Variants in NPAS3 observed in about 807,000 individuals in gnomAD.
The protein encoded by NPAS3 is neuronal PAS domain protein 3, also known as neuronal PAS domain-containing protein 3.
A neutral mutation model predicts 73.1 loss-of-function variants in NPAS3; 14 were observed. That is an observed-to-expected ratio of 0.19 (90% confidence interval 0.13 to 0.30). The LOEUF (loss-of-function observed/expected upper bound fraction) is 0.30. Among genes scored for constraint, NPAS3 ranks in the 10% least tolerant of loss-of-function variants. The probability of loss-of-function intolerance (pLI) is 1.00; values close to 1 mark genes in which losing one functional copy is unlikely to be tolerated. For missense variants in NPAS3, 1,096 were observed against 1,250.0 expected, an observed-to-expected ratio of 0.88 and a Z score of 1.86; for synonymous variants, 620 against 541.5, an observed-to-expected ratio of 1.14 and a Z score of -2.01.
intron 7 of NPAS3, among the ~76,000 whole-genome samples, chr14:33,767,690 GCA>G (rs1314916241): frequency 1.3e-5 from 2 of 148,748 alleles, no homozygotes; most frequent in Non-Finnish European, 3.0e-5. Flanking sequence ...GGGAAATAAT[GCA>G]CAGAGTACTT....
intron 6 of NPAS3, among the ~76,000 whole-genome samples, chr14:33,695,562 G>A (rs558815609): frequency 1.3e-5 from 2 of 152,246 alleles, no homozygotes; most frequent in East Asian, 3.9e-4. Context: ...TGCAGTCTTC[G>A]ACTTTGGCTT....
rs34671549 is a variant in NPAS3, at chr14:33,577,916, T to TCC, written c.558+17711_558+17712dup. ...ATAAGGGGGATTGGCTAACGAATCC[T>TCC]CCCCCCAATTCCAAAGGCAAATAAA... is the stretch of plus-strand genomic sequence containing the variant. On this transcript the variant is annotated intron_variant, in intron 5 of 11. Coordinates refer to ENST00000356141, the Ensembl canonical transcript of NPAS3. Among the ~76,000 whole-genome samples, 1,048 of 152,194 alleles carry TCC rather than the reference T, an allele frequency of 6.9e-3. 52 individuals carry two copies. In the East Asian group the frequency reaches 0.16, roughly 23 times the overall value.
At chr14:33,719,467 T>G (rs1229575242) in intron 6 of NPAS3, among the ~76,000 whole-genome samples, 1 of 152,214 alleles carries the variant, frequency 6.6e-6, no homozygotes, top group African/African-American at 2.4e-5. Flanking sequence ...AGTTCATATA[T>G]TCCACTGTAA....
intron 3 of NPAS3, among the ~76,000 whole-genome samples, chr14:33,347,909 T>G (rs1435263459): frequency 6.6e-6 from 1 of 152,120 alleles, no homozygotes; most frequent in Admixed American, 6.5e-5. Context: ...TGTGGTTGGT[T>G]GGATCTGCAG....
At chr14:33,346,906 A>T (rs951037342) in intron 3 of NPAS3, among the ~76,000 whole-genome samples, 6 of 152,146 alleles carry the variant, frequency 3.9e-5, no homozygotes, top group Admixed American at 3.9e-4. Context: ...CCCTTCCATC[A>T]ATGTTGCTGA....
chr14:32,959,683 G>C, intron 1 of NPAS3, among the ~76,000 whole-genome samples: 1 of 152,172 alleles, frequency 6.6e-6, no homozygotes, highest in South Asian at 2.1e-4. Context: ...TACACATAGT[G>C]CTGGTTTTAG....
intron 4 of NPAS3, among the ~76,000 whole-genome samples, chr14:33,549,203 T>C (rs1245958410): frequency 1.3e-5 from 2 of 152,196 alleles, no homozygotes; most frequent in Admixed American, 1.3e-4. Flanking sequence ...TTACACCTTT[T>C]CAAATATTTT....
chr14:33,557,751 C>T (rs1017889174), intron 4 of NPAS3, among the ~76,000 whole-genome samples: 12 of 152,158 alleles, frequency 7.9e-5, no homozygotes, highest in East Asian at 3.9e-4. Context: ...GGGCAGATCA[C>T]GAGGTCAGGA....
At chr14:32,952,061 C>CT (rs1042600302) in intron 1 of NPAS3, among the ~76,000 whole-genome samples, 1 of 151,740 alleles carries the variant, frequency 6.6e-6, no homozygotes, top group Non-Finnish European at 1.5e-5. Context: ...AGATGATTAA[C>CT]TTTTTTGCTT....
At chr14:33,553,638 A>T (rs2055223370) in intron 4 of NPAS3, among the ~76,000 whole-genome samples, 1 of 152,238 alleles carries the variant, frequency 6.6e-6, no homozygotes, top group Non-Finnish European at 1.5e-5. Flanking sequence ...TGAAAGGCAA[A>T]GGAAGGAACA....
chr14:33,148,766 A>G (rs762780077), intron 2 of NPAS3, among the ~76,000 whole-genome samples: 8 of 152,044 alleles, frequency 5.3e-5, no homozygotes, highest in Non-Finnish European at 1.0e-4. Context: ...AGCTCCCTGT[A>G]AGCCTCCAAT....
chr14:33,332,422 C>A (rs559185702), intron 3 of NPAS3, among the ~76,000 whole-genome samples: 3 of 152,088 alleles, frequency 2.0e-5, no homozygotes, highest in Non-Finnish European at 2.9e-5. Flanking sequence ...AGTTAGACAC[C>A]TTGGAAAGCC....
At chr14:33,378,960 A>G (rs778852136) in intron 4 of NPAS3, among the ~76,000 whole-genome samples, 4 of 152,332 alleles carry the variant, frequency 2.6e-5, no homozygotes, top group South Asian at 4.1e-4. Context: ...AAATGCTTCA[A>G]AGATGAAACT....
At chr14:33,064,033 A>G (rs928880831) in intron 2 of NPAS3, among the ~76,000 whole-genome samples, 3 of 152,228 alleles carry the variant, frequency 2.0e-5, no homozygotes, top group Admixed American at 6.5e-5. Context: ...TTTATGTAAT[A>G]TAAATGAGAA....
chr14:33,590,635 T>C (rs1185585986), intron 5 of NPAS3, among the ~76,000 whole-genome samples: 2 of 152,182 alleles, frequency 1.3e-5, no homozygotes, highest in Admixed American at 6.5e-5. Context: ...TTTATGTACA[T>C]GTAATCCCAG....
At chr14:33,233,340 G>A (rs191314122) in intron 3 of NPAS3, among the ~76,000 whole-genome samples, 124 of 152,214 alleles carry the variant, frequency 8.1e-4, no homozygotes, top group African/African-American at 2.8e-3. Flanking sequence ...TGGAAATTGA[G>A]GGAAAAGCAC....
chr14:33,729,626 T>C (rs771881445), intron 6 of NPAS3, among the ~76,000 whole-genome samples: 4 of 152,256 alleles, frequency 2.6e-5, no homozygotes, highest in Non-Finnish European at 5.9e-5. Context: ...CAGTTCCTTG[T>C]TACATTGGCC....
intron 4 of NPAS3, among the ~76,000 whole-genome samples, chr14:33,411,510 C>T (rs894599243): frequency 6.6e-5 from 10 of 152,126 alleles, no homozygotes; most frequent in Admixed American, 2.0e-4. Context: ...GTCACAACTT[C>T]GGGTTGCTAC....
intron 1 of NPAS3, 22 bp from the exon 2 acceptor site, chr14:33,055,883 T>C (rs1426404364): frequency 1.3e-6 from 1 of 788,774 alleles, no homozygotes; most frequent in African/African-American, 1.7e-5. Context: ...GTCATGTCTA[T>C]CTGTTTTTGA....
Sources: allele counts gnomAD v4.1 joint callset (sites outside exome capture counted in the v4.1 genomes callset), GRCh38; gene constraint gnomAD v4.1.1; transcripts MANE v1.5; gene names NCBI Gene and HGNC (gene_info 2026-07-23, HGNC 2026-07-21).